Variants in ASXL2 observed in about 807,000 individuals in gnomAD.
ASXL2 encodes putative Polycomb group protein ASXL2.
ASXL2 carries 23 observed loss-of-function variants against 122.0 expected under a neutral mutation model. The observed-to-expected ratio is 0.19, with a 90% CI of 0.14 to 0.27. The LOEUF (loss-of-function observed/expected upper bound fraction) is 0.27. Ranked by LOEUF, ASXL2 falls within the 10% of genes least tolerant of loss-of-function variation. The pLI is 1.00. For missense variants in ASXL2, 1,518 were observed against 1,713.8 expected, an observed-to-expected ratio of 0.89 and a Z score of 2.02; for synonymous variants, 650 against 637.0, an observed-to-expected ratio of 1.02 and a Z score of -0.31.
intron 5 of ASXL2, among the ~76,000 whole-genome samples, chr2:25,775,888 A>T (rs1052320754): frequency 6.6e-6 from 1 of 152,182 alleles, no homozygotes; most frequent in Non-Finnish European, 1.5e-5. Context: ...GTTTTATTTA[A>T]GGAATCATTC....
chr2:25,772,729 CAAAAAAA>C (rs70950119), intron 5 of ASXL2, among the ~76,000 whole-genome samples: 1 of 58,940 alleles, frequency 1.7e-5, no homozygotes, highest in African/African-American at 6.5e-5. Context: ...AACTTGGTCT[CAAAAAAA>C]AAAAAAAAAA....
chr2:25,782,121 C>T (rs2088652934), intron 5 of ASXL2, among the ~76,000 whole-genome samples: 4 of 151,940 alleles, frequency 2.6e-5, no homozygotes, highest in African/African-American at 9.7e-5. Flanking sequence ...ATATTTATCT[C>T]CACTGATTCT....
chr2:25,768,379 T>G (rs930710774), intron 7 of ASXL2, among the ~76,000 whole-genome samples: 2 of 152,144 alleles, frequency 1.3e-5, no homozygotes, highest in African/African-American at 4.8e-5. Flanking sequence ...TCAGGGCTAA[T>G]GGCAGTCTTG....
At chr2:25,762,941 T>G (rs779042177) in intron 8 of ASXL2, among the ~76,000 whole-genome samples, 4 of 152,196 alleles carry the variant, frequency 2.6e-5, no homozygotes, top group Non-Finnish European at 5.9e-5. Context: ...TGTTATACAT[T>G]TATTAACATC....
chr2:25,744,392 G>A lies in ASXL2; in HGVS notation c.1945C>T (p.Pro649Ser). 1 of 1,613,936 alleles carries A rather than the reference G, an allele frequency of 6.2e-7. No individual in the cohort carries two copies. The highest frequency in any genetic ancestry group is 8.5e-7 in the Non-Finnish European group (1 of 1,179,872). ...AGAGTTCTGGCTCCTGTTCTGTTAG[G>A]ACTAGTGATGGAGACTGGAAAACGA... is the stretch of plus-strand genomic sequence containing the variant. The part of the protein sequence containing the change: ...RARFPVSITS[P>S]NRTGARTLAD... The change falls in exon 13 of 13, where the codon CCT becomes TCT. Residue 649 changes from proline to serine, a missense_variant. Around this residue, in one of 8 missense-constraint regions of ASXL2, gnomAD observed 292 missense variants for 293.5 expected, o/e 1.00. Transcript: ENST00000435504. This position sits in a 1 kb window ranked among gnomAD's most constrained non-coding sequence, Gnocchi z 4.7.
intron 7 of ASXL2, among the ~76,000 whole-genome samples, 163 bp downstream of exon 7, chr2:25,768,579 C>G (rs372941215): frequency 1.3e-5 from 2 of 152,194 alleles, no homozygotes; most frequent in Non-Finnish European, 2.9e-5. Context: ...TTGCACACAA[C>G]TTTTCCCATT....
intron 5 of ASXL2, among the ~76,000 whole-genome samples, chr2:25,792,669 C>T (rs551592503): frequency 4.9e-4 from 74 of 151,784 alleles, no homozygotes; most frequent in Admixed American, 7.9e-4. Context: ...GTGGCGTGAT[C>T]TTGGCTCACT....
At chr2:25,796,923 C>T (rs1348007729) in intron 5 of ASXL2, among the ~76,000 whole-genome samples, 6 of 152,086 alleles carry the variant, frequency 3.9e-5, no homozygotes, top group Admixed American at 2.0e-4. Flanking sequence ...AGGTCTCACA[C>T]GCTTCACAAA....
chr2:25,877,568 T>C (rs540892939), intron 1 of ASXL2, among the ~76,000 whole-genome samples: 2 of 152,226 alleles, frequency 1.3e-5, no homozygotes, highest in South Asian at 4.1e-4. Context: ...AAAAAAATTC[T>C]ACAAGTCCCA....
At chr2:25,830,015 C>T (rs973278355) in intron 3 of ASXL2, among the ~76,000 whole-genome samples, 3 of 152,156 alleles carry the variant, frequency 2.0e-5, no homozygotes, top group Non-Finnish European at 2.9e-5. Flanking sequence ...AAATTCCCAC[C>T]GCCTCAAACA....
chr2:25,771,305 T>G, intron 6 of ASXL2, 135 bp downstream of exon 6: 5 of 649,996 alleles, frequency 7.7e-6, no homozygotes, highest in African/African-American at 1.9e-5. Context: ...TAAAACCACA[T>G]TGGGCTACTG....
chr2:25,741,479 C>G lies in ASXL2; in HGVS notation c.*550G>C, dbSNP rs1272841515. On this transcript the variant is annotated 3_prime_UTR_variant, in exon 13 of 13. Transcript: ENST00000435504. ...AAATTTCAATTTAAGAAGATTCCAC[C>G]TAAGGTAAAGGGACTGAGTAAAACC... 2 of 230,480 alleles carry G rather than the reference C, an allele frequency of 8.7e-6. No homozygotes were observed. Among genetic ancestry groups the G allele is most frequent in the African/African-American group, 4.4e-5 (2 of 45,128 alleles). The allele number at this position is 230,480 out of a possible 1,614,324, so 14.3% of individuals were successfully genotyped here.
intron 8 of ASXL2, among the ~76,000 whole-genome samples, chr2:25,759,867 G>A (rs1365675566): frequency 2.0e-5 from 3 of 152,108 alleles, no homozygotes; most frequent in African/African-American, 7.2e-5. Context: ...TACCTTCTCT[G>A]CATAAATAGA....
At chr2:25,782,015 A>C (rs1171740251) in intron 5 of ASXL2, among the ~76,000 whole-genome samples, 2 of 115,928 alleles carry the variant, frequency 1.7e-5, no homozygotes, top group Non-Finnish European at 3.3e-5. Flanking sequence ...ATGTTTGTCC[A>C]GGTTGGTCTC....
chr2:25,860,744 T>TG (rs60337579), intron 1 of ASXL2, among the ~76,000 whole-genome samples: 151,721 of 151,728 alleles, frequency 1, 75,857 homozygotes, highest in East Asian at 1. Flanking sequence ...CTGGGTGTGG[T>TG]GCTCATGCCT....
At chr2:25,752,020 C>T (rs1010130993) in intron 11 of ASXL2, among the ~76,000 whole-genome samples, 1 of 152,130 alleles carries the variant, frequency 6.6e-6, no homozygotes, top group Non-Finnish European at 1.5e-5. Flanking sequence ...GATCCGCCCA[C>T]CTCAGCCTCC....
chr2:25,765,388 A>C (rs2088327946), intron 8 of ASXL2, among the ~76,000 whole-genome samples: 2 of 152,086 alleles, frequency 1.3e-5, no homozygotes, highest in Admixed American at 1.3e-4. Flanking sequence ...CAGGAGGCTG[A>C]GGCAGGAGAA....
chr2:25,816,431 G>A (rs2089235947), intron 3 of ASXL2, among the ~76,000 whole-genome samples: 1 of 152,046 alleles, frequency 6.6e-6, no homozygotes, highest in African/African-American at 2.4e-5. Context: ...AATGATGTTC[G>A]TCTTGGCCAC....
intron 3 of ASXL2, among the ~76,000 whole-genome samples, chr2:25,831,838 T>A (rs1406285282): frequency 1.3e-5 from 2 of 151,866 alleles, no homozygotes; most frequent in African/African-American, 4.8e-5. Flanking sequence ...GAAAAAGTCC[T>A]GAAAGCAGAG....
Sources: allele counts gnomAD v4.1 joint callset (sites outside exome capture counted in the v4.1 genomes callset), GRCh38; gene constraint gnomAD v4.1.1; regional missense constraint gnomAD v4.1.1; non-coding constraint Gnocchi (gnomAD v3.1); transcripts MANE v1.5; gene names NCBI Gene and HGNC (gene_info 2026-07-23, HGNC 2026-07-21).